BTG4: variants seen among roughly 807,000 people sequenced by gnomAD.
BTG4 encodes the protein BTG anti-proliferation factor 4.
Under a neutral mutation model 19.3 loss-of-function variants are expected in BTG4, and 10 were observed. The observed-to-expected ratio is 0.52, with a 90% CI of 0.32 to 0.88. BTG4 has a LOEUF of 0.88. Ranked by LOEUF, BTG4 falls within the 40% of genes least tolerant of loss-of-function variation. The pLI, the probability that BTG4 is intolerant of heterozygous loss-of-function variation, is 0.04. For synonymous variants in BTG4, 91 were observed against 95.7 expected (o/e 0.95, Z 0.29); for missense variants, 238 against 281.9 (o/e 0.84, Z 1.11).
At position 111,498,043 on chromosome 11, in the gene BTG4, G is replaced by A. The variant is rs764916472; in HGVS notation, c.266C>T (p.Pro89Leu). Residue 89 changes from proline (P) to leucine (L), a missense_variant, in exon 3 of 5, where the codon CCG becomes CTG. Coordinates refer to ENST00000692032, the MANE Select transcript of BTG4 (RefSeq NM_001367975.1). Reference protein sequence around the residue: ...SNVDFSHLGLPKEMTIWVDPF... With the variant: ...SNVDFSHLGLLKEMTIWVDPF... ...ATCTACCCATATGGTCATCTCCTTC[G>A]GAAGTCCCAGGTGAGAAAAATCTAC... is the stretch of plus-strand genomic sequence containing the variant. 3.0e-5 allele frequency: 49 copies of A among 1,613,944 alleles called. No homozygotes were observed. The highest frequency in any genetic ancestry group is 1.5e-4 in the Admixed American group (9 of 59,992).
chr11:111,432,128 T>A, the BTG4 span, among the ~76,000 whole-genome samples: 4 of 152,172 alleles, frequency 2.6e-5, no homozygotes, highest in Admixed American at 1.3e-4. Flanking sequence ...AGTCTTAATG[T>A]GTGTTCCTGG....
the BTG4 span, chr11:111,455,844 G>C: frequency 2.2e-6 from 1 of 455,862 alleles, no homozygotes; most frequent in Non-Finnish European, 4.4e-6. Context: ...GGGGCATTCT[G>C]GGCACCGGCA....
At chr11:111,493,806 A>G (rs564930765), downstream of BTG4, among the ~76,000 whole-genome samples, 17 of 152,104 alleles carry the variant, frequency 1.1e-4, no homozygotes, top group Non-Finnish European at 2.1e-4. Flanking sequence ...GCCCTAATGA[A>G]CCATCGTTTC....
the BTG4 span, among the ~76,000 whole-genome samples, chr11:111,426,606 G>C: frequency 7.2e-5 from 10 of 138,300 alleles, no homozygotes; most frequent in Non-Finnish European, 1.6e-5. Flanking sequence ...ATGCTCCAGA[G>C]ATCCTGACTC....
chr11:111,497,092 T>C (rs1865781673), intron 4 of BTG4, 119 bp downstream of exon 4: 1 of 1,026,936 alleles, frequency 9.7e-7, no homozygotes, highest in Non-Finnish European at 1.4e-6. Context: ...AGTCTGGCTT[T>C]TAAAAATCTA....
chr11:111,402,962 C>T, the BTG4 span, among the ~76,000 whole-genome samples: 1 of 152,244 alleles, frequency 6.6e-6, no homozygotes, highest in South Asian at 2.1e-4. Flanking sequence ...TGGAACTGAT[C>T]ACCGCTTTGC....
chr11:111,405,866 T>C, the BTG4 span, among the ~76,000 whole-genome samples: 4 of 152,214 alleles, frequency 2.6e-5, no homozygotes, highest in African/African-American at 9.7e-5. Context: ...TATAAGATTG[T>C]TGTGAGGATT....
the BTG4 span, among the ~76,000 whole-genome samples, chr11:111,420,538 T>A: frequency 1.3e-5 from 2 of 152,196 alleles, no homozygotes; most frequent in Admixed American, 1.3e-4. Context: ...GATGAGACCA[T>A]GATCATCTCA....
Position 111,498,617 on chromosome 11 carries a change from C to T in BTG4, c.160G>A (p.Gly54Arg). 1 of 1,613,086 alleles carries T rather than the reference C, an allele frequency of 6.2e-7. No homozygotes were observed. The highest frequency in any genetic ancestry group is 8.5e-7 in the Non-Finnish European group (1 of 1,179,826). Residue 54 changes from glycine (G) to arginine (R), a missense_variant, in exon 2 of 5, where the codon GGG becomes AGG. Gly to Arg is a moderately radical substitution (Grantham distance 125). Coordinates refer to ENST00000692032, the MANE Select transcript of BTG4 (RefSeq NM_001367975.1). Reference sequence around the variant, plus strand: ...ACTAGCTCTCACCTGAAGGCTTGCCCTTTAGAAGGGCAATCAGAGTGCCAG... The same window carrying T: ...ACTAGCTCTCACCTGAAGGCTTGCCTTTTAGAAGGGCAATCAGAGTGCCAG... ...SHWHSDCPSK[G>R]QAFRCIRINN... is the part of the protein sequence containing the mutation.
the BTG4 span, chr11:111,453,380 C>A: frequency 4.6e-6 from 2 of 433,134 alleles, no homozygotes; most frequent in Admixed American, 2.4e-5. Context: ...TCGCCCTTCC[C>A]TTCCCACTCC....
chr11:111,472,307 C>G (rs1020960033), intron 5 of BTG4, among the ~76,000 whole-genome samples: 1 of 152,236 alleles, frequency 6.6e-6, no homozygotes, highest in African/African-American at 2.4e-5. Context: ...ACTAGGGACA[C>G]TTCTCTCGAG....
At chr11:111,398,053 G>A in the BTG4 span, 11 of 152,182 alleles carry the variant, frequency 7.2e-5, no homozygotes, top group Non-Finnish European at 1.5e-4. Flanking sequence ...TGTGGGGCAT[G>A]AGTGGAAAGA....
chr11:111,427,669 G>A, the BTG4 span, among the ~76,000 whole-genome samples: 1 of 152,194 alleles, frequency 6.6e-6, no homozygotes, highest in African/African-American at 2.4e-5. Flanking sequence ...TGTGTCTGAG[G>A]GGAGGTCTCA....
the BTG4 span, among the ~76,000 whole-genome samples, chr11:111,445,533 C>T: frequency 6.6e-6 from 1 of 152,180 alleles, no homozygotes; most frequent in Non-Finnish European, 1.5e-5. Flanking sequence ...CAGGACTGAG[C>T]CTAGGAAAGA....
At chr11:111,460,796 A>G in the BTG4 span, among the ~76,000 whole-genome samples, 4 of 152,194 alleles carry the variant, frequency 2.6e-5, no homozygotes, top group African/African-American at 9.7e-5. Context: ...ATATGAAACA[A>G]TACAAAACAT....
At chr11:111,449,608 G>C in the BTG4 span, 3 of 152,280 alleles carry the variant, frequency 2.0e-5, no homozygotes, top group Non-Finnish European at 4.4e-5. Context: ...TGGAAATATA[G>C]AGGTCAGTAC....
At chr11:111,514,417 G>A (rs1867140941), upstream of BTG4, 11 of 283,914 alleles carry the variant, frequency 3.9e-5, no homozygotes, top group South Asian at 3.8e-4. Context: ...TTTGGAAGTG[G>A]GGATTGGGGC....
chr11:111,485,395 A>T (rs1001538533), intron 5 of BTG4, among the ~76,000 whole-genome samples: 15 of 152,220 alleles, frequency 9.9e-5, no homozygotes, highest in African/African-American at 3.6e-4. Flanking sequence ...AAATGAAATC[A>T]TATCAACTAC....
At chr11:111,384,598 A>C in the BTG4 span, 1 of 152,168 alleles carries the variant, frequency 6.6e-6, no homozygotes, top group Admixed American at 6.5e-5. Context: ...AATCTAGCCA[A>C]ATTGTCATTC....
Sources: gnomAD v4.1 joint callset for allele counts (sites outside exome capture counted in the v4.1 genomes callset) on GRCh38, gnomAD v4.1.1 for gene constraint, MANE v1.5 for transcripts, NCBI Gene and HGNC (gene_info 2026-07-23, HGNC 2026-07-21) for gene names.